MSRA: variants seen among roughly 807,000 people sequenced by gnomAD.
The protein encoded by MSRA is mitochondrial peptide methionine sulfoxide reductase.
Under a neutral mutation model 31.3 loss-of-function variants are expected in MSRA, and 54 were observed. The observed-to-expected ratio is 1.73, with a 90% CI of 1.39 to 2.17. The LOEUF is 2.17. MSRA is among the 30% of genes most tolerant of loss of function. The pLI, the probability that MSRA is intolerant of heterozygous loss-of-function variation, is 0.00. For missense variants in MSRA, 507 were observed against 300.9 expected (o/e 1.69, Z -5.07); for synonymous variants, 169 against 116.5 (o/e 1.45, Z -2.90).
At chr8:10,409,346 T>A (rs530889267) in intron 5 of MSRA, among the ~76,000 whole-genome samples, 22 of 152,226 alleles carry the variant, frequency 1.4e-4, no homozygotes, top group African/African-American at 2.2e-4. Flanking sequence ...TTTCATATGC[T>A]TGTGGGCCGT....
chr8:10,130,588 G>A (rs532074603), intron 1 of MSRA, among the ~76,000 whole-genome samples: 1 of 152,158 alleles, frequency 6.6e-6, no homozygotes, highest in East Asian at 1.9e-4. Context: ...ACATTTCGAC[G>A]GAAAAAATAA....
At chr8:10,358,511 C>G (rs976397277) in intron 5 of MSRA, among the ~76,000 whole-genome samples, 15 of 139,226 alleles carry the variant, frequency 1.1e-4, no homozygotes, top group Non-Finnish European at 1.8e-4. Flanking sequence ...AGGAGGTGAG[C>G]TGGCATTACC....
chr8:10,317,179 G>A (rs985774444), intron 4 of MSRA, among the ~76,000 whole-genome samples: 6 of 152,208 alleles, frequency 3.9e-5, no homozygotes, highest in East Asian at 1.9e-4. Flanking sequence ...ACCCTGAGGC[G>A]TTGTTCCTGA....
intron 5 of MSRA, among the ~76,000 whole-genome samples, chr8:10,336,405 A>G (rs1803046262): frequency 1.3e-5 from 2 of 152,066 alleles, no homozygotes. Flanking sequence ...CCTAACACCC[A>G]AGCACATGTG....
At chr8:10,272,969 C>G (rs1223760144) in intron 3 of MSRA, among the ~76,000 whole-genome samples, 7 of 152,088 alleles carry the variant, frequency 4.6e-5, no homozygotes, top group Non-Finnish European at 8.8e-5. Context: ...TTAAATATGA[C>G]TAGTAAGAGG....
At chr8:10,180,850 G>A (rs1806473588) in intron 1 of MSRA, among the ~76,000 whole-genome samples, 1 of 152,178 alleles carries the variant, frequency 6.6e-6, no homozygotes, top group Non-Finnish European at 1.5e-5. Flanking sequence ...ATTAAGAGCT[G>A]TACTAAAATG....
At chr8:10,415,192 C>G (rs1643905237) in intron 5 of MSRA, among the ~76,000 whole-genome samples, 1 of 152,184 alleles carries the variant, frequency 6.6e-6, no homozygotes, top group Admixed American at 6.5e-5. Flanking sequence ...CTGCAGCCAG[C>G]CCTGTCCAGC....
At chr8:10,422,498 G>C (rs940462384) in intron 5 of MSRA, among the ~76,000 whole-genome samples, 60 of 152,292 alleles carry the variant, frequency 3.9e-4, no homozygotes, top group African/African-American at 1.4e-3. Context: ...TCTGTTAGGT[G>C]ACCTTCCAGA....
At chr8:10,283,836 T>TACACACACACACACACACACACACACAC (rs372503609) in intron 3 of MSRA, among the ~76,000 whole-genome samples, 3 of 53,164 alleles carry the variant, frequency 5.6e-5, no homozygotes, top group Admixed American at 5.0e-4. Flanking sequence ...TATATATATA[T>TACACACACACACACACACACACACACAC]ACACACACAC....
chr8:10,116,203 G>C (rs1800664209), intron 1 of MSRA, among the ~76,000 whole-genome samples: 1 of 152,204 alleles, frequency 6.6e-6, no homozygotes, highest in Admixed American at 6.5e-5. Context: ...TGTGGCCCAG[G>C]ATGCCGTTGA....
chr8:10,088,264 A>G (rs1048538977), intron 1 of MSRA, among the ~76,000 whole-genome samples: 1 of 152,212 alleles, frequency 6.6e-6, no homozygotes, highest in African/African-American at 2.4e-5. Flanking sequence ...CATTATGGAA[A>G]ACAGCATGAA....
chr8:10,176,752 A>G (rs1049414590), intron 1 of MSRA, among the ~76,000 whole-genome samples: 16 of 152,328 alleles, frequency 1.1e-4, no homozygotes, highest in African/African-American at 3.1e-4. Context: ...AGGTCAATCA[A>G]TGCTGGAATG....
intron 3 of MSRA, among the ~76,000 whole-genome samples, chr8:10,259,945 G>A (rs1798385657): frequency 1.3e-5 from 2 of 152,234 alleles, no homozygotes; most frequent in Admixed American, 1.3e-4. Flanking sequence ...TCACAGTCCT[G>A]ATTTGGCACA....
At chr8:10,289,415 G>C (rs1800112989) in intron 3 of MSRA, among the ~76,000 whole-genome samples, 1 of 151,978 alleles carries the variant, frequency 6.6e-6, no homozygotes, top group Non-Finnish European at 1.5e-5. Flanking sequence ...ATATATTTAT[G>C]GGGTACATGA....
rs539195540 is a variant in MSRA, at chr8:10,121,305, G to C, written c.142+66647G>C. Among the ~76,000 whole-genome samples, 330 of 152,314 alleles carry C rather than the reference G, an allele frequency of 2.2e-3. 2 individuals carry two copies. The highest frequency in any genetic ancestry group is 7.6e-3 in the African/African-American group (315 of 41,570). On this transcript the variant is annotated intron_variant, in intron 1 of 5. Transcript: ENST00000317173. ...TTGGCAGGGGAACGGGAGGTTGCTG[G>C]CTAGGGCCTGGAGAAGGACTTGTGG...
intron 4 of MSRA, among the ~76,000 whole-genome samples, chr8:10,314,653 A>G (rs903408619): frequency 6.6e-6 from 1 of 152,242 alleles, no homozygotes; most frequent in Non-Finnish European, 1.5e-5. Context: ...ATTTCTAGGT[A>G]TGTACTCAAG....
chr8:10,214,634 G>A (rs746659777), intron 2 of MSRA, among the ~76,000 whole-genome samples: 3 of 152,174 alleles, frequency 2.0e-5, no homozygotes, highest in Non-Finnish European at 2.9e-5. Context: ...AGGCCAGAAA[G>A]AATGACATTG....
At chr8:10,390,188 T>C (rs1453362734) in intron 5 of MSRA, among the ~76,000 whole-genome samples, 6 of 152,212 alleles carry the variant, frequency 3.9e-5, no homozygotes, top group Non-Finnish European at 8.8e-5. Context: ...TCGGCACCTA[T>C]ATGTTCAGGC....
At chr8:10,382,413 C>T (rs2129175187) in intron 5 of MSRA, among the ~76,000 whole-genome samples, 1 of 152,300 alleles carries the variant, frequency 6.6e-6, no homozygotes, top group African/African-American at 2.4e-5. Flanking sequence ...CAGAGTCGCC[C>T]TTGTACTGCA....
Sources: allele counts gnomAD v4.1 joint callset (sites outside exome capture counted in the v4.1 genomes callset), GRCh38; gene constraint gnomAD v4.1.1; transcripts MANE v1.5; gene names NCBI Gene and HGNC (gene_info 2026-07-23, HGNC 2026-07-21).